Variants in ACSL3 observed in about 807,000 individuals in gnomAD.
The protein encoded by ACSL3 is fatty acid CoA ligase Acsl3.
A neutral mutation model predicts 84.7 loss-of-function variants in ACSL3; 34 were observed. That is an observed-to-expected ratio of 0.40 (90% CI 0.31 to 0.53). The LOEUF (loss-of-function observed/expected upper bound fraction) is 0.53. ACSL3 is among the 20% of genes least tolerant of loss of function. The pLI is 0.48. For missense variants in ACSL3, 680 were observed against 873.1 expected, an observed-to-expected ratio of 0.78 and a Z score of 2.79; for synonymous variants, 315 against 299.4, an observed-to-expected ratio of 1.05 and a Z score of -0.54.
At chr2:222,878,141 A>C (rs1323422703) in intron 1 of ACSL3, among the ~76,000 whole-genome samples, 1 of 152,224 alleles carries the variant, frequency 6.6e-6, no homozygotes, top group Non-Finnish European at 1.5e-5. Flanking sequence ...CTAGCACAGT[A>C]ATGGACATGA....
At chr2:222,866,122 A>G (rs1003240658) in intron 1 of ACSL3, among the ~76,000 whole-genome samples, 3 of 151,882 alleles carry the variant, frequency 2.0e-5, no homozygotes, top group Non-Finnish European at 4.4e-5. Flanking sequence ...TGCTGTTCTA[A>G]TTTTTATCTC....
At chr2:222,886,583 G>T (rs1029316492) in intron 1 of ACSL3, among the ~76,000 whole-genome samples, 1 of 152,012 alleles carries the variant, frequency 6.6e-6, no homozygotes, top group Non-Finnish European at 1.5e-5. Context: ...TGTTTGCTTC[G>T]CAGGTGATAG....
intron 15 of ACSL3, chr2:222,933,482 T>C (rs1035622501): frequency 3.2e-5 from 15 of 474,832 alleles, no homozygotes; most frequent in Non-Finnish European, 3.7e-6. Context: ...CTGTCCCTGT[T>C]TTCTGCTTTA....
chr2:222,921,050 G>A (rs1225768796), intron 7 of ACSL3: 2 of 626,906 alleles, frequency 3.2e-6, no homozygotes, highest in Non-Finnish European at 6.1e-6. Flanking sequence ...ACCTTGTCTT[G>A]CTTCAGTTTT....
intron 14 of ACSL3, among the ~76,000 whole-genome samples, chr2:222,931,314 C>T (rs924593815): frequency 2.0e-5 from 3 of 150,862 alleles, no homozygotes; most frequent in Non-Finnish European, 4.4e-5. Flanking sequence ...CTTGGGAGGC[C>T]GAGGCAGGAG....
At chr2:222,871,743 G>T (rs1188031584) in intron 1 of ACSL3, among the ~76,000 whole-genome samples, 1 of 152,208 alleles carries the variant, frequency 6.6e-6, no homozygotes, top group African/African-American at 2.4e-5. Flanking sequence ...ACACAAGGGA[G>T]TTGGTGGCCA....
At position 222,934,187 on chromosome 2, in the gene ACSL3, G is replaced by C. The variant is rs367678336; in HGVS notation, c.1848-343G>C. Among the ~76,000 whole-genome samples, 622 of 152,272 alleles carry C rather than the reference G, an allele frequency of 4.1e-3. 2 individuals are homozygous for C. Among genetic ancestry groups the C allele is most frequent in the Middle Eastern group, 0.02 (6 of 294 alleles). ...TAAATTTTAGTTTTTTAAAACACAT[G>C]CTATGAAATACTGATAGGGTTTAAA... On this transcript the variant is annotated intron_variant, in intron 15 of 16. Coordinates refer to ENST00000357430, the MANE Select transcript of ACSL3 (RefSeq NM_004457.5).
At chr2:222,908,406 A>C (rs1696352900) in intron 3 of ACSL3, among the ~76,000 whole-genome samples, 1 of 152,190 alleles carries the variant, frequency 6.6e-6, no homozygotes. Flanking sequence ...GAGATGCTAA[A>C]GCACAGGAAA....
chr2:222,898,756 G>A (rs1696058768), intron 2 of ACSL3, among the ~76,000 whole-genome samples: 1 of 152,170 alleles, frequency 6.6e-6, no homozygotes, highest in Admixed American at 6.5e-5. Flanking sequence ...GAACCCGGGA[G>A]GCGGAGCTTG....
intron 3 of ACSL3, among the ~76,000 whole-genome samples, chr2:222,901,200 A>G (rs10804309): frequency 0.83 from 126,679 of 152,218 alleles, 53,077 homozygotes; most frequent in East Asian, 0.97. Flanking sequence ...ACACTTGATT[A>G]ATACTTACCT....
At chr2:222,904,267 A>T (rs889111532) in intron 3 of ACSL3, among the ~76,000 whole-genome samples, 3 of 137,948 alleles carry the variant, frequency 2.2e-5, no homozygotes, top group Non-Finnish European at 4.6e-5. Flanking sequence ...GCGAAACTCC[A>T]TCTCAAAAAA....
intron 1 of ACSL3, among the ~76,000 whole-genome samples, chr2:222,876,308 T>G (rs996080355): frequency 7.9e-5 from 12 of 152,132 alleles, no homozygotes; most frequent in African/African-American, 2.9e-4. Context: ...TATGGTTTTT[T>G]TTGTTGTTGT....
intron 3 of ACSL3, among the ~76,000 whole-genome samples, chr2:222,902,547 T>C (rs955304608): frequency 1.3e-5 from 2 of 152,248 alleles, no homozygotes; most frequent in South Asian, 4.1e-4. Context: ...TTTATTATAA[T>C]GCTTTAAAAA....
intron 5 of ACSL3, chr2:222,917,419 C>A (rs888382507): frequency 6.6e-6 from 1 of 152,140 alleles, no homozygotes; most frequent in African/African-American, 2.4e-5. Flanking sequence ...ACAAACATTC[C>A]ATTTTTGTTG....
Position 222,943,102 on chromosome 2 carries a change from A to AAAC in ACSL3, c.*1450_*1451insCAA, listed in dbSNP as rs1553601403. ...GCAAAAATCAAAAAAAAAAAAAACA[A>AAAC]AAACAAAAAAAAAGATGAACCTAGG... On this transcript the variant is annotated 3_prime_UTR_variant, in exon 17 of 17. Transcript: ENST00000357430. 19 of 203,306 alleles carry AAAC rather than the reference A, an allele frequency of 9.3e-5. No homozygotes were observed. Among genetic ancestry groups the AAAC allele is most frequent in the South Asian group, 3.8e-4 (2 of 5,196 alleles). 12.6% of individuals were successfully genotyped at this position (203,306 alleles called of 1,614,324 possible).
rs114445940 is a variant in ACSL3, at chr2:222,883,544, C to T, written c.-206-4286C>T. Among the ~76,000 whole-genome samples the T allele has an allele frequency of 5.1e-3, 781 of 152,232 alleles. 5 individuals carry two copies. Among genetic ancestry groups the T allele is most frequent in the Admixed American group, 9.7e-3 (148 of 15,294 alleles). The stretch of plus-strand genomic sequence containing the variant: ...TTATACTCTGAGCTTTGAGAATTTA[C>T]GTGGCTCTGTCTAGAAGTCAGTTAT... On this transcript the variant is annotated intron_variant, in intron 1 of 16. Coordinates refer to ENST00000357430, the MANE Select transcript of ACSL3 (RefSeq NM_004457.5).
intron 1 of ACSL3, among the ~76,000 whole-genome samples, chr2:222,877,898 C>A (rs944242984): frequency 1.3e-5 from 2 of 152,130 alleles, no homozygotes; most frequent in African/African-American, 4.8e-5. Context: ...GTTTTTGTTT[C>A]TTGTTATTAA....
rs1411695309 is a variant in ACSL3, at chr2:222,932,660, G to A, written c.1733-506G>A. Reference sequence around the variant, plus strand: ...TCTTTTAAAAGCATGGGCCGGGCGCGGTGGCTCACGCCTGTAATCCCAGCA... The same window carrying A: ...TCTTTTAAAAGCATGGGCCGGGCGCAGTGGCTCACGCCTGTAATCCCAGCA... On this transcript the variant is annotated intron_variant, in intron 14 of 16. Coordinates refer to ENST00000357430, the MANE Select transcript of ACSL3 (RefSeq NM_004457.5). 1.2e-3 allele frequency among the ~76,000 whole-genome samples: 6 copies of A among 4,804 alleles called. 3 individuals are homozygous for A. The highest frequency in any genetic ancestry group is 1.7e-3 in the Non-Finnish European group (6 of 3,444). The allele number at this position is 4,804 out of a possible 152,430, so 3.2% of individuals were successfully genotyped here.
intron 1 of ACSL3, among the ~76,000 whole-genome samples, chr2:222,880,598 G>A (rs1695566840): frequency 1.3e-5 from 2 of 152,030 alleles, no homozygotes; most frequent in African/African-American, 4.8e-5. Context: ...GGAGGCCAAG[G>A]TGGGCGGATC....
Sources: allele counts gnomAD v4.1 joint callset (sites outside exome capture counted in the v4.1 genomes callset), GRCh38; gene constraint gnomAD v4.1.1; transcripts MANE v1.5; gene names NCBI Gene and HGNC (gene_info 2026-07-23, HGNC 2026-07-21).